Variants in ZP3 observed in about 807,000 individuals in gnomAD.
ZP3 encodes the protein zona pellucida glycoprotein 3.
In ZP3, 21 loss-of-function variants were observed where a neutral mutation model predicts 35.6. The ratio of observed to expected loss-of-function variants is 0.59; its 90% confidence interval spans 0.42 to 0.85. ZP3 has a LOEUF of 0.85. Among genes scored for constraint, ZP3 ranks in the 40% least tolerant of loss-of-function variants. The pLI, the probability that ZP3 is intolerant of heterozygous loss-of-function variation, is 0.00. For missense variants in ZP3, 437 were observed against 536.5 expected (o/e 0.81, Z 1.83); for synonymous variants, 207 against 214.5 (o/e 0.96, Z 0.31).
Position 76,405,346 on chromosome 7 carries a change from T to C in ZP3, c.-67+7549T>C, listed in dbSNP as rs1235500722. Among the ~76,000 whole-genome samples, 267 of 107,504 alleles carry C rather than the reference T, an allele frequency of 2.5e-3. 13 individuals are homozygous for C. The highest frequency in any genetic ancestry group is 7.4e-3 in the African/African-American group (220 of 29,588). The allele number at this position is 107,504 out of a possible 152,430, so 70.5% of individuals were successfully genotyped here. On this transcript the variant is annotated intron_variant, in intron 1 of 8. Coordinates refer to the ZP3 transcript ENST00000336517. ...TTTTTTCTTTCTTTCTTTCTTTTTTTTTTTTTTTTTTTTTTGGTAGAGAGG... is the reference window on the plus strand; with the variant it reads ...TTTTTTCTTTCTTTCTTTCTTTTTTCTTTTTTTTTTTTTTTGGTAGAGAGG...
At position 76,412,855 on chromosome 7, in the gene ZP3, G is replaced by GA. The variant is rs1336494121; in HGVS notation, c.-66-12185dup. 7.9e-4 allele frequency among the ~76,000 whole-genome samples: 96 copies of GA among 121,322 alleles called. 1 individual carries two copies. Among genetic ancestry groups the GA allele is most frequent in the South Asian group, 1.4e-3 (5 of 3,636 alleles). 79.6% of individuals were successfully genotyped at this position (121,322 alleles called of 152,430 possible). A position where few individuals can be genotyped will look rare whatever the true frequency, so the allele number is the denominator to read the frequency against. ...CAAGAGCAAAACTCCGTCTCAGAAA[G>GA]AAAAAAAAAAAAGATGTAAACATTG... is the stretch of plus-strand genomic sequence containing the variant. On this transcript the variant is annotated intron_variant, in intron 1 of 8. Transcript: ENST00000336517.
At chr7:76,438,561 T>C (rs1234743285) in intron 5 of ZP3, among the ~76,000 whole-genome samples, 1 of 94,480 alleles carries the variant, frequency 1.1e-5, no homozygotes. Flanking sequence ...AAAAAAAGGG[T>C]AGCGGGGCAG....
chr7:76,415,843 G>T (rs1805356358), intron 1 of ZP3, among the ~76,000 whole-genome samples: 2 of 151,592 alleles, frequency 1.3e-5, no homozygotes, highest in Admixed American at 1.3e-4. Context: ...TAAAAAGCAG[G>T]CTAGGGCTAG....
At chr7:76,406,505 A>G (rs1221988912) in intron 1 of ZP3, among the ~76,000 whole-genome samples, 1 of 151,618 alleles carries the variant, frequency 6.6e-6, no homozygotes, top group Non-Finnish European at 1.5e-5. Flanking sequence ...TTTTTTACAG[A>G]TAGGGTCTCA....
intron 1 of ZP3, chr7:76,398,625 T>G (rs1804717020): frequency 7.2e-7 from 1 of 1,382,436 alleles, no homozygotes; most frequent in Non-Finnish European, 1.0e-6. Flanking sequence ...ACTTTACATC[T>G]TCAATTTGTA....
At chr7:76,409,323 T>TCACACACACA (rs3081030) in intron 1 of ZP3, 1 of 146,428 alleles carries the variant, frequency 6.8e-6, no homozygotes, top group African/African-American at 2.5e-5. Context: ...TCTCTCTGTC[T>TCACACACACA]CACACACACA....
At chr7:76,412,885 A>G (rs919204672) in intron 1 of ZP3, among the ~76,000 whole-genome samples, 14 of 151,520 alleles carry the variant, frequency 9.2e-5, no homozygotes, top group African/African-American at 3.4e-4. Context: ...ACATTGAGGA[A>G]GCTAGGGTGA....
chr7:76,414,716 T>G (rs1425473437), intron 1 of ZP3, among the ~76,000 whole-genome samples: 1 of 94,400 alleles, frequency 1.1e-5, no homozygotes, highest in Non-Finnish European at 2.3e-5. Flanking sequence ...TTTTTTTTTT[T>G]TTTGAGACGG....
intron 1 of ZP3, among the ~76,000 whole-genome samples, chr7:76,425,694 G>C (rs948691326): frequency 3.3e-5 from 5 of 152,200 alleles, no homozygotes; most frequent in African/African-American, 7.2e-5. Context: ...GCCGGGTGCA[G>C]TGGCTCATGC....
chr7:76,429,035 ATCTTGGCCCTGGGCC>A (rs1805754278), intron 1 of ZP3: 1 of 169,006 alleles, frequency 5.9e-6, no homozygotes. Context: ...CCTGGCGGCT[ATCTTGGCCCTGGGCC>A]TCTCCTGAAA....
chr7:76,433,628 A>G lies in ZP3; in HGVS notation c.694A>G (p.Thr232Ala). ...AGACCAGAATGCCTCCCCTTATCAC[A>G]CCATCGTGGACTTCCATGGGTGAGC... is the stretch of plus-strand genomic sequence containing the variant. ...TPDQNASPYH[T>A]IVDFHGCLVD... The change falls in exon 4 of 8, where the codon ACC becomes GCC. Residue 232 changes from threonine (T) to alanine (A), a missense_variant. This residue lies in a region of ZP3 where 352 missense variants were observed against 308.4 expected (regional missense o/e 1.14). Coordinates refer to ENST00000394857, the MANE Select transcript of ZP3 (RefSeq NM_001110354.2). The G allele has an allele frequency of 6.2e-7, 1 of 1,608,738 alleles. No individual in the cohort carries two copies. Among genetic ancestry groups the G allele is most frequent in the Non-Finnish European group, 8.5e-7 (1 of 1,176,418 alleles).
Position 76,406,885 on chromosome 7 carries a change from G to T in ZP3, c.-67+9088G>T, listed in dbSNP as rs767582227. The stretch of plus-strand genomic sequence containing the variant: ...CTTCCTTCACTTTTTTTATGTATTT[G>T]TGTGTCATGGTAACTATGATTTACT... On this transcript the variant is annotated intron_variant, in intron 1 of 8. Transcript: ENST00000336517. 1.2e-4 allele frequency among the ~76,000 whole-genome samples: 18 copies of T among 150,978 alleles called. 1 individual carries two copies. The highest frequency in any genetic ancestry group is 1.9e-4 in the Non-Finnish European group (13 of 67,846).
At chr7:76,439,163 T>G (rs1584075294) in intron 5 of ZP3, among the ~76,000 whole-genome samples, 1 of 137,692 alleles carries the variant, frequency 7.3e-6, no homozygotes, top group African/African-American at 2.7e-5. Flanking sequence ...CTCTTAAGTC[T>G]GAAATGGAAA....
chr7:76,432,006 G>A lies in ZP3; in HGVS notation c.432-921G>A, dbSNP rs1805840608. Among the ~76,000 whole-genome samples, 3 of 151,376 alleles carry A rather than the reference G, an allele frequency of 2.0e-5. No individual in the cohort carries two copies. The Admixed American group carries it at 2.0e-4, about 10-fold the overall frequency. ...CCAAACCTGAACCTCTAGGGCTAAA[G>A]TATGTGTGGTGGCTTTTGGTTTTTT... On this transcript the variant is annotated intron_variant, in intron 2 of 7. Coordinates refer to ENST00000394857, the MANE Select transcript of ZP3 (RefSeq NM_001110354.2).
At chr7:76,415,364 C>CAGAAAA (rs1554623765) in intron 1 of ZP3, among the ~76,000 whole-genome samples, 6 of 63,532 alleles carry the variant, frequency 9.4e-5, no homozygotes, top group Non-Finnish European at 1.6e-4. Flanking sequence ...GACTCCGTCT[C>CAGAAAA]AAAAAAAAAA....
chr7:76,398,715 C>T (rs758093226), intron 1 of ZP3: 16 of 1,612,668 alleles, frequency 9.9e-6, no homozygotes, highest in African/African-American at 5.3e-5. Flanking sequence ...ATTATGCTTA[C>T]GTACTTTTTC....
At chr7:76,410,308 G>A (rs1336264448) in intron 1 of ZP3, among the ~76,000 whole-genome samples, 4 of 151,642 alleles carry the variant, frequency 2.6e-5, no homozygotes, top group South Asian at 4.2e-4. Context: ...TGGGTTTACA[G>A]GTGTGAGCCA....
chr7:76,407,484 A>C (rs1805078589), intron 1 of ZP3, among the ~76,000 whole-genome samples: 1 of 151,970 alleles, frequency 6.6e-6, no homozygotes, highest in African/African-American at 2.4e-5. Flanking sequence ...GGCGGGTATC[A>C]CCACGCCCAG....
upstream of ZP3, among the ~76,000 whole-genome samples, chr7:76,423,063 G>GAAAC (rs1563695576): frequency 9.2e-3 from 1,349 of 145,962 alleles, 56 homozygotes; most frequent in African/African-American, 0.033. Context: ...AAGAAAGAAA[G>GAAAC]AAAGAAAGAA....
Sources: allele counts gnomAD v4.1 joint callset (sites outside exome capture counted in the v4.1 genomes callset), GRCh38; gene constraint gnomAD v4.1.1; regional missense constraint gnomAD v4.1.1; transcripts MANE v1.5; gene names NCBI Gene and HGNC (gene_info 2026-07-23, HGNC 2026-07-21).